Variants in DOK6 observed in about 807,000 individuals in gnomAD.
DOK6 encodes the protein docking protein 6.
In DOK6, 22 loss-of-function variants were observed where a neutral mutation model predicts 44.0. The observed-to-expected ratio is 0.50, with a 90% CI of 0.36 to 0.71. The LOEUF (loss-of-function observed/expected upper bound fraction) is 0.71, where lower values mean the gene tolerates loss of function less well. DOK6 is among the 30% of genes least tolerant of loss of function. The pLI, the probability that DOK6 is intolerant of heterozygous loss-of-function variation, is 0.00. For synonymous variants in DOK6, 166 were observed against 145.5 expected (o/e 1.14, Z -1.01); for missense variants, 340 against 416.4 (o/e 0.82, Z 1.60).
chr18:69,475,374 C>T (rs1220556349), intron 1 of DOK6, among the ~76,000 whole-genome samples: 1 of 151,990 alleles, frequency 6.6e-6, no homozygotes, highest in Non-Finnish European at 1.5e-5. Context: ...TTACAAATTC[C>T]CACTTAGAAT....
intron 1 of DOK6, among the ~76,000 whole-genome samples, chr18:69,475,519 T>A (rs1400167795): frequency 6.6e-6 from 1 of 152,204 alleles, no homozygotes; most frequent in Admixed American, 6.5e-5. Context: ...ATTCAGCATT[T>A]TCTGTGCTGC....
intron 1 of DOK6, among the ~76,000 whole-genome samples, chr18:69,452,149 A>C (rs951430384): frequency 3.3e-5 from 5 of 152,060 alleles, no homozygotes; most frequent in African/African-American, 1.2e-4. Context: ...GGATCAACAA[A>C]ATTGATAGAT....
At chr18:69,433,034 A>G (rs1040751005) in intron 1 of DOK6, among the ~76,000 whole-genome samples, 1 of 152,194 alleles carries the variant, frequency 6.6e-6, no homozygotes, top group Non-Finnish European at 1.5e-5. Flanking sequence ...TGATTACTGC[A>G]AAGTCATAGA....
intron 7 of DOK6, among the ~76,000 whole-genome samples, chr18:69,816,276 A>G (rs1228481416): frequency 6.6e-6 from 1 of 152,140 alleles, no homozygotes; most frequent in African/African-American, 2.4e-5. Flanking sequence ...TCTACTGGAC[A>G]TTGAAACGAC....
chr18:69,473,070 C>T (rs1980161668), intron 1 of DOK6, among the ~76,000 whole-genome samples: 1 of 152,050 alleles, frequency 6.6e-6, no homozygotes, highest in African/African-American at 2.4e-5. Flanking sequence ...ACAAATGTTA[C>T]AAGTATCAAC....
chr18:69,729,111 G>A (rs1978330295), intron 5 of DOK6, among the ~76,000 whole-genome samples: 1 of 152,076 alleles, frequency 6.6e-6, no homozygotes, highest in Admixed American at 6.5e-5. Context: ...CATATCATAT[G>A]TTATACATAT....
intron 3 of DOK6, among the ~76,000 whole-genome samples, chr18:69,603,474 C>G (rs1983919325): frequency 6.6e-6 from 1 of 152,048 alleles, no homozygotes. Context: ...TCTAGATACC[C>G]TAAAATATGG....
intron 1 of DOK6, among the ~76,000 whole-genome samples, chr18:69,488,150 G>A (rs183865621): frequency 4.6e-5 from 7 of 152,182 alleles, no homozygotes; most frequent in African/African-American, 1.7e-4. Flanking sequence ...CTCTTCTTGT[G>A]CTCAAGGGGA....
intron 1 of DOK6, among the ~76,000 whole-genome samples, chr18:69,433,672 A>C (rs1042004474): frequency 2.6e-5 from 4 of 152,180 alleles, no homozygotes; most frequent in African/African-American, 4.8e-5. Context: ...TATATTGAAA[A>C]AAAAACAAAA....
intron 3 of DOK6, among the ~76,000 whole-genome samples, chr18:69,622,079 C>A (rs928817542): frequency 6.6e-6 from 1 of 152,092 alleles, no homozygotes; most frequent in African/African-American, 2.4e-5. Context: ...GATTCAAATG[C>A]CAGAAATATG....
At chr18:69,455,830 TGGG>T (rs1979619800) in intron 1 of DOK6, among the ~76,000 whole-genome samples, 1 of 152,192 alleles carries the variant, frequency 6.6e-6, no homozygotes, top group South Asian at 2.1e-4. Context: ...AGCTAAATGA[TGGG>T]CAATTTGGAC....
intron 1 of DOK6, among the ~76,000 whole-genome samples, chr18:69,555,854 CCTGAT>C (rs1203690919): frequency 6.6e-6 from 1 of 152,144 alleles, no homozygotes; most frequent in Non-Finnish European, 1.5e-5. Flanking sequence ...GTGTATCCTT[CCTGAT>C]TTGTTAGCAG....
At chr18:69,713,799 C>T (rs1030247931) in intron 5 of DOK6, among the ~76,000 whole-genome samples, 1 of 152,112 alleles carries the variant, frequency 6.6e-6, no homozygotes, top group African/African-American at 2.4e-5. Context: ...AAGTGGAACC[C>T]GTGAAACTCC....
chr18:69,476,986 A>G (rs1004840610), intron 1 of DOK6, among the ~76,000 whole-genome samples: 3 of 152,176 alleles, frequency 2.0e-5, no homozygotes, highest in Admixed American at 6.5e-5. Context: ...CAGGTGATAT[A>G]TGATTTGCCT....
At chr18:69,550,777 C>CCTTTT (rs1982543037) in intron 1 of DOK6, among the ~76,000 whole-genome samples, 1 of 121,436 alleles carries the variant, frequency 8.2e-6, no homozygotes, top group African/African-American at 3.0e-5. Context: ...TTGTTTCTTT[C>CCTTTT]TTTTTTTTTT....
intron 3 of DOK6, among the ~76,000 whole-genome samples, chr18:69,651,147 A>G (rs1333418947): frequency 1.3e-5 from 2 of 152,148 alleles, no homozygotes; most frequent in Admixed American, 6.6e-5. Flanking sequence ...CGAAGCATAC[A>G]GACATCTGTG....
chr18:69,415,987 G>T (rs1187392992), intron 1 of DOK6, among the ~76,000 whole-genome samples: 1 of 151,822 alleles, frequency 6.6e-6, no homozygotes, highest in East Asian at 1.9e-4. Flanking sequence ...ATAATTATGG[G>T]CATATTTAAC....
intron 7 of DOK6, among the ~76,000 whole-genome samples, chr18:69,815,898 A>T (rs4891776): frequency 6.6e-6 from 1 of 151,992 alleles, no homozygotes; most frequent in Admixed American, 6.6e-5. Flanking sequence ...GTATATTTAC[A>T]TAAAGATCAT....
intron 1 of DOK6, among the ~76,000 whole-genome samples, chr18:69,476,225 G>A (rs549665618): frequency 1.3e-5 from 2 of 152,254 alleles, no homozygotes; most frequent in South Asian, 4.1e-4. Flanking sequence ...CAGTTTTTTT[G>A]TGAGTTTATC....
Sources: allele counts gnomAD v4.1 joint callset (sites outside exome capture counted in the v4.1 genomes callset), GRCh38; gene constraint gnomAD v4.1.1; transcripts MANE v1.5; gene names NCBI Gene and HGNC (gene_info 2026-07-23, HGNC 2026-07-21).